Variants in APOL3 observed in about 807,000 individuals in gnomAD.
APOL3 encodes the protein TNF-inducible protein CG12-1.
In APOL3, 14 loss-of-function variants were observed where a neutral mutation model predicts 11.6. That is an observed-to-expected ratio of 1.21 (90% CI 0.80 to 1.89). APOL3 has a LOEUF of 1.89. APOL3 is among the 40% of genes most tolerant of loss of function. The probability of loss-of-function intolerance (pLI) is 0.00; values close to 1 mark genes in which losing one functional copy is unlikely to be tolerated. For synonymous variants in APOL3, 192 were observed against 190.6 expected, an observed-to-expected ratio of 1.01 and a Z score of -0.06; for missense variants, 483 against 492.1, an observed-to-expected ratio of 0.98 and a Z score of 0.17.
At chr22:36,160,000 G>GC (rs2013527293) in intron 1 of APOL3, among the ~76,000 whole-genome samples, 1 of 151,986 alleles carries the variant, frequency 6.6e-6, no homozygotes, top group East Asian at 1.9e-4. Context: ...TCATGCCTCA[G>GC]CCTCCCAAGT....
At chr22:36,159,288 G>T (rs962427549) in intron 1 of APOL3, 1 of 152,188 alleles carries the variant, frequency 6.6e-6, no homozygotes, top group Admixed American at 6.5e-5. Context: ...CCTGCTGGGG[G>T]TCAGCAGGGT....
exon 3 of APOL3, chr22:36,141,850 A>G (rs1206517757): frequency 6.2e-7 from 1 of 1,614,202 alleles, no homozygotes; most frequent in Non-Finnish European, 8.5e-7. Flanking sequence ...ACCACATTGG[A>G]GATGGTGCAG....
chr22:36,161,725 G>A (rs2013706163), upstream of APOL3, among the ~76,000 whole-genome samples: 2 of 152,114 alleles, frequency 1.3e-5, no homozygotes, highest in Non-Finnish European at 2.9e-5. Context: ...GGGCGGATGT[G>A]GGAGTAAAAG....
chr22:36,148,484 G>A (rs1196883698), intron 1 of APOL3, among the ~76,000 whole-genome samples: 4 of 152,250 alleles, frequency 2.6e-5, no homozygotes, highest in African/African-American at 9.6e-5. Flanking sequence ...GGGGAGGTAA[G>A]AAGCTCCAGG....
At chr22:36,141,130 A>G (rs111344740) in exon 3 of APOL3, 58 of 1,545,224 alleles carry the variant, frequency 3.8e-5, no homozygotes, top group Non-Finnish European at 4.9e-5. Context: ...TTATCCCCCT[A>G]ATAAAATGCC....
At chr22:36,153,979 T>C (rs1025847870) in intron 1 of APOL3, among the ~76,000 whole-genome samples, 2 of 152,208 alleles carry the variant, frequency 1.3e-5, no homozygotes, top group African/African-American at 4.8e-5. Flanking sequence ...GTTGAGTTTG[T>C]CTAAAGACCG....
At chr22:36,155,200 TA>T (rs1014722509) in intron 1 of APOL3, among the ~76,000 whole-genome samples, 16 of 152,198 alleles carry the variant, frequency 1.1e-4, no homozygotes, top group African/African-American at 3.6e-4. Flanking sequence ...CCCTCAAAGG[TA>T]GGGGTTGGCT....
At position 36,141,214 on chromosome 22, in the gene APOL3, A is replaced by G. The variant is rs764737986; in HGVS notation, c.1195T>C (p.Cys399Arg). 1.2e-6 allele frequency: 2 copies of G among 1,613,394 alleles called. No homozygotes were observed. Among genetic ancestry groups the G allele is most frequent in the East Asian group, 2.2e-5 (1 of 44,866 alleles). The stretch of plus-strand genomic sequence containing the variant: ...CTGGTCTGGGGTCAGTGGGTATGGC[A>G]TGGATTCAGACGCTGATAGATCTGA... Residue 399 changes from cysteine to arginine, a missense_variant, in exon 3 of 3, where the codon TGC (cysteine) becomes CGC (arginine). Coordinates refer to ENST00000349314, the Ensembl canonical transcript of APOL3.
upstream of APOL3, among the ~76,000 whole-genome samples, chr22:36,164,063 A>C (rs918463039): frequency 6.6e-5 from 10 of 152,164 alleles, no homozygotes; most frequent in Non-Finnish European, 8.8e-5. Context: ...GCAGTAACCA[A>C]TATTTTTGCT....
chr22:36,142,943 C>T (rs773112934), intron 2 of APOL3, among the ~76,000 whole-genome samples: 6 of 152,216 alleles, frequency 3.9e-5, no homozygotes, highest in Admixed American at 2.6e-4. Context: ...TTCTTGCTGT[C>T]TGATCACGGT....
upstream of APOL3, among the ~76,000 whole-genome samples, chr22:36,162,058 C>G (rs1336464628): frequency 1.3e-5 from 2 of 152,194 alleles, no homozygotes; most frequent in East Asian, 3.8e-4. Flanking sequence ...TCATGATAAA[C>G]AGTTTGCTGT....
intron 1 of APOL3, among the ~76,000 whole-genome samples, chr22:36,153,604 C>T (rs1234953272): frequency 6.6e-6 from 1 of 152,216 alleles, no homozygotes; most frequent in East Asian, 1.9e-4. Context: ...ATTCCCCAGA[C>T]TGTGATATGT....
At chr22:36,160,607 T>C in intron 1 of APOL3, 62 bp downstream of exon 1, 1 of 1,555,788 alleles carries the variant, frequency 6.4e-7, no homozygotes, top group Non-Finnish European at 8.9e-7. Flanking sequence ...TGAATGACCC[T>C]TCTCTTATAG....
At chr22:36,148,110 C>A (rs1207343587) in intron 1 of APOL3, among the ~76,000 whole-genome samples, 1 of 152,248 alleles carries the variant, frequency 6.6e-6, no homozygotes, top group Non-Finnish European at 1.5e-5. Context: ...TCCATCATAA[C>A]ATGAAATGTC....
upstream of APOL3, among the ~76,000 whole-genome samples, chr22:36,161,851 A>C (rs1299123706): frequency 9.5e-6 from 1 of 105,728 alleles, no homozygotes; most frequent in East Asian, 6.9e-4. Context: ...AGATGACGAG[A>C]AAAAGGTGGG....
intron 1 of APOL3, chr22:36,154,529 A>T: frequency 4.5e-6 from 2 of 445,486 alleles, no homozygotes; most frequent in Admixed American, 2.8e-5. Context: ...TTTTCCTTCT[A>T]TTTATTTATG....
chr22:36,141,876 T>C, exon 3 of APOL3: 1 of 1,614,224 alleles, frequency 6.2e-7, no homozygotes, highest in African/African-American at 1.3e-5. Context: ...GTGGACCTCT[T>C]CAATACCATT....
At chr22:36,145,435 G>A (rs1256743882) in intron 2 of APOL3, 38 bp downstream of exon 3, 1 of 1,609,486 alleles carries the variant, frequency 6.2e-7, no homozygotes, top group Non-Finnish European at 8.5e-7. Context: ...GGATGGCATA[G>A]CCGGGGCGCC....
intron 2 of APOL3, among the ~76,000 whole-genome samples, chr22:36,143,129 C>A (rs539655360): frequency 1.5e-4 from 15 of 101,170 alleles, no homozygotes; most frequent in African/African-American, 4.4e-4. Flanking sequence ...GTCTCCCTCC[C>A]CTGTAACACA....
Sources: gnomAD v4.1 joint callset for allele counts (sites outside exome capture counted in the v4.1 genomes callset) on GRCh38, gnomAD v4.1.1 for gene constraint, MANE v1.5 for transcripts, NCBI Gene and HGNC (gene_info 2026-07-23, HGNC 2026-07-21) for gene names.